Variants in NOL9 observed in about 807,000 individuals in gnomAD.
The protein encoded by NOL9 is nucleolar protein 9.
NOL9 carries 28 observed loss-of-function variants against 67.9 expected under a neutral mutation model. That is an observed-to-expected ratio of 0.41 (90% CI 0.31 to 0.57). The LOEUF (loss-of-function observed/expected upper bound fraction) is 0.57, where lower values mean the gene tolerates loss of function less well. NOL9 is among the 20% of genes least tolerant of loss of function. NOL9 has a pLI of 0.25. For synonymous variants in NOL9, 356 were observed against 352.2 expected (o/e 1.01, Z -0.12); for missense variants, 777 against 897.0 (o/e 0.87, Z 1.71).
intron 1 of NOL9, among the ~76,000 whole-genome samples, chr1:6,553,880 G>T (rs1030258770): frequency 5.9e-5 from 9 of 152,048 alleles, no homozygotes; most frequent in African/African-American, 2.2e-4. Context: ...ACAAAATAAA[G>T]TCCCTTTAGC....
chr1:6,546,845 T>G (rs1251749256), intron 3 of NOL9, among the ~76,000 whole-genome samples: 1 of 152,208 alleles, frequency 6.6e-6, no homozygotes, highest in East Asian at 1.9e-4. Flanking sequence ...TACAGCTAAC[T>G]TCTACCAAAG....
rs989171352 is a variant in NOL9 at position 6,529,104 on chromosome 1, G to A, written c.1715C>T (p.Ala572Val). Residue 572 changes from alanine to valine, a missense_variant, in exon 10 of 12, where the codon GCT becomes GTT. Physicochemically the swap from Ala to Val is moderately conservative, Grantham distance 64. Coordinates refer to ENST00000377705, the MANE Select transcript of NOL9 (RefSeq NM_024654.5). ...SDVAPTHILY[A>V]VNASWVGLCK... Reference sequence around the variant, plus strand: ...AAGACCAACCCAGCTGGCGTTTACAGCATATAGTATATGGGTAGGGGCGAC... The same window carrying A: ...AAGACCAACCCAGCTGGCGTTTACAACATATAGTATATGGGTAGGGGCGAC... The A allele has an allele frequency of 2.5e-6, 4 of 1,613,966 alleles. No individual in the cohort carries two copies. The Admixed American group carries it at 6.7e-5, about 27-fold the overall frequency.
intron 11 of NOL9, 114 bp downstream of exon 11, chr1:6,526,581 CA>C: frequency 9.0e-7 from 1 of 1,112,478 alleles, no homozygotes; most frequent in Non-Finnish European, 1.3e-6. Context: ...GGATCTACAA[CA>C]AAGTATAGGT....
In NOL9 at chr1:6,554,140, G is replaced by A; in HGVS notation, c.363C>T (p.Pro121=). ...LLIPPVRPVG[P]GRALLLLPVE... is the part of the protein sequence containing the mutation. ...CCGGCAGCAGCAGCAACGCGCGGCCGGGGCCCACGGGCCGCACCGGTGGGA... is the reference window on the plus strand; with the variant it reads ...CCGGCAGCAGCAGCAACGCGCGGCCAGGGCCCACGGGCCGCACCGGTGGGA... Residue 121 remains proline (P), a synonymous_variant, in exon 1 of 12, where the codon CCC becomes CCT. Transcript: ENST00000377705. 5 of 1,530,200 alleles carry A rather than the reference G, an allele frequency of 3.3e-6. No individual in the cohort carries two copies. Among genetic ancestry groups the A allele is most frequent in the Non-Finnish European group, 3.5e-6 (4 of 1,138,094 alleles). The allele number at this position is 1,530,200 out of a possible 1,614,324, so 94.8% of individuals were successfully genotyped here.
intron 6 of NOL9, among the ~76,000 whole-genome samples, chr1:6,536,172 C>A (rs1156430382): frequency 2.1e-5 from 2 of 94,794 alleles, no homozygotes; most frequent in African/African-American, 6.5e-5. Flanking sequence ...TGGTGAAACC[C>A]CATCTCTACT....
chr1:6,533,393 C>A lies in NOL9; in HGVS notation c.1124G>T (p.Gly375Val). The change falls in exon 7 of 12, where the codon GGG (glycine) becomes GTG (valine). Residue 375 changes from glycine to valine, a missense_variant. Gly to Val is a moderately radical substitution (Grantham distance 109). This residue lies in a region of NOL9 where 413 missense variants were observed against 552.6 expected (regional missense o/e 0.75). Transcript: ENST00000377705. Reference sequence around the variant, plus strand: ...ATAGTTGTTTTTACAAGAAGGTTTCCCATAATATACCATCTTCTGTGGAGT... The same window carrying A: ...ATAGTTGTTTTTACAAGAAGGTTTCACATAATATACCATCTTCTGTGGAGT... ...LRTPQKMVYY[G>V]KPSCKNNYEN... is the part of the protein sequence containing the mutation. 1 of 1,612,364 alleles carries A rather than the reference C, an allele frequency of 6.2e-7. No individual in the cohort carries two copies.
At chr1:6,540,991 T>C (rs1308760023) in intron 6 of NOL9, 1 of 143,782 alleles carries the variant, frequency 7.0e-6, no homozygotes, top group East Asian at 2.1e-4. Flanking sequence ...TTCAATAAAA[T>C]CTGTAGACTG....
At position 6,525,631 on chromosome 1, in the gene NOL9, A is replaced by G. The variant is rs992741075; in HGVS notation, c.*223T>C. ...CTCTGCTGTTTTACTCCCTCTGGAC[A>G]GCAAGTATGAGTATCACACAGAAGA... On this transcript the variant is annotated 3_prime_UTR_variant, in exon 12 of 12. Transcript: ENST00000377705. 10 of 565,758 alleles carry G rather than the reference A, an allele frequency of 1.8e-5. No individual in the cohort carries two copies. The highest frequency in any genetic ancestry group is 3.1e-5 in the Non-Finnish European group (10 of 318,458). The allele number at this position is 565,758 out of a possible 1,614,324, so 35.0% of individuals were successfully genotyped here.
chr1:6,550,177 G>A (rs560003922), intron 2 of NOL9, among the ~76,000 whole-genome samples: 68 of 152,150 alleles, frequency 4.5e-4, no homozygotes, highest in African/African-American at 1.5e-3. Flanking sequence ...GACTACAGGC[G>A]CCTGCCACCA....
In NOL9 at chr1:6,545,017, T is replaced by C. The variant is rs774788179; in HGVS notation, c.880+28A>G. On this transcript the variant is annotated intron_variant, in intron 4 of 11. Transcript: ENST00000377705. ...CCTCTGGGGGTCTGGTGGACAGACA[T>C]TCAGGGTGATCAATGTGTATTACTC... 5 of 1,614,112 alleles carry C rather than the reference T, an allele frequency of 3.1e-6. No individual in the cohort carries two copies. In the South Asian group the frequency reaches 4.4e-5, roughly 14 times the overall value.
chr1:6,532,765 G>C lies in NOL9; in HGVS notation c.1238-5C>G. The stretch of plus-strand genomic sequence containing the variant: ...TGAGAAGCAGGAGCCCCTGGTCTGT[G>C]GGGAAGAGACATTAGCACAGCTGAT... On this transcript the variant is annotated splice_region_variant and splice_polypyrimidine_tract_variant and intron_variant, in intron 7 of 11. Coordinates refer to ENST00000377705, the MANE Select transcript of NOL9 (RefSeq NM_024654.5). The C allele has an allele frequency of 6.2e-7, 1 of 1,608,566 alleles. No homozygotes were observed. The highest frequency in any genetic ancestry group is 8.5e-7 in the Non-Finnish European group (1 of 1,176,454).
intron 2 of NOL9, among the ~76,000 whole-genome samples, 174 bp downstream of exon 2, chr1:6,550,222 A>T (rs1330820928): frequency 6.6e-6 from 1 of 152,028 alleles, no homozygotes; most frequent in Non-Finnish European, 1.5e-5. Flanking sequence ...TAGTAGAGAC[A>T]GGGTTTCACC....
chr1:6,539,828 C>A (rs1207669949), intron 6 of NOL9, among the ~76,000 whole-genome samples: 2 of 152,156 alleles, frequency 1.3e-5, no homozygotes, highest in Admixed American at 6.6e-5. Context: ...TGGATTTTGA[C>A]AATACTATGC....
intron 6 of NOL9, among the ~76,000 whole-genome samples, chr1:6,538,401 C>T (rs969805380): frequency 6.6e-6 from 1 of 151,962 alleles, no homozygotes; most frequent in Non-Finnish European, 1.5e-5. Context: ...GACCGGATGC[C>T]GTGGCTCACG....
intron 9 of NOL9, among the ~76,000 whole-genome samples, chr1:6,531,192 T>A (rs1429432641): frequency 6.6e-6 from 1 of 152,114 alleles, no homozygotes; most frequent in Non-Finnish European, 1.5e-5. Flanking sequence ...AATCTACTTT[T>A]GATGACAGTA....
chr1:6,532,619 C>T lies in NOL9; in HGVS notation c.1379G>A (p.Ser460Asn). ...ACGTCGATTTCTCATCTTGGTCTTGCTTTTTGTGTACAAGCCATCCATGTC... is the reference window on the plus strand; with the variant it reads ...ACGTCGATTTCTCATCTTGGTCTTGTTTTTTGTGTACAAGCCATCCATGTC... ...VDDMDGLYTK[S>N]KTKMRNRRFR... Residue 460 changes from serine (S) to asparagine (N), a missense_variant, in exon 8 of 12, where the codon AGC (serine) becomes AAC (asparagine). Ser to Asn is a conservative substitution (Grantham distance 46). Coordinates refer to ENST00000377705, the MANE Select transcript of NOL9 (RefSeq NM_024654.5). 1 of 1,614,154 alleles carries T rather than the reference C, an allele frequency of 6.2e-7. No homozygotes were observed. Among genetic ancestry groups the T allele is most frequent in the Non-Finnish European group, 8.5e-7 (1 of 1,180,032 alleles).
chr1:6,534,212 G>T (rs1459747862), intron 6 of NOL9, among the ~76,000 whole-genome samples: 1 of 152,116 alleles, frequency 6.6e-6, no homozygotes, highest in Non-Finnish European at 1.5e-5. Flanking sequence ...TCATAACCCT[G>T]TGGCAGGTAG....
At chr1:6,548,027 C>A in intron 3 of NOL9, 1 of 280,424 alleles carries the variant, frequency 3.6e-6, no homozygotes, top group South Asian at 4.0e-5. Context: ...TCCCGAACCC[C>A]TGGTAATAAA....
Position 6,549,635 on chromosome 1 carries a change from A to G in NOL9, c.680T>C (p.Leu227Pro). The change falls in exon 3 of 12, where the codon CTG becomes CCG. Residue 227 changes from leucine to proline, a missense_variant. Physicochemically the swap from Leu to Pro is moderately conservative, Grantham distance 98 (BLOSUM62 -3). Around this residue, in one of 2 missense-constraint regions of NOL9, gnomAD observed 364 missense variants for 344.4 expected, o/e 1.06. Transcript: ENST00000377705. ...PQCSIVLLEH[L>P]KTATVNFITS... Reference sequence around the variant, plus strand: ...TATGAAGTTTACAGTGGCAGTTTTCAGATGTTCTAGCAACACAATGGAACA... The same window carrying G: ...TATGAAGTTTACAGTGGCAGTTTTCGGATGTTCTAGCAACACAATGGAACA... 6.2e-7 allele frequency: 1 copy of G among 1,614,194 alleles called. No individual in the cohort carries two copies. The highest frequency in any genetic ancestry group is 8.5e-7 in the Non-Finnish European group (1 of 1,180,020).
Sources: allele counts gnomAD v4.1 joint callset (sites outside exome capture counted in the v4.1 genomes callset), GRCh38; gene constraint gnomAD v4.1.1; regional missense constraint gnomAD v4.1.1; transcripts MANE v1.5; gene names NCBI Gene and HGNC (gene_info 2026-07-23, HGNC 2026-07-21).